The following GPT2 variants were observed in gnomAD, a reference collection of about 807,000 sequenced individuals.
The protein encoded by GPT2 is alanine aminotransferase 2.
GPT2 carries 30 observed loss-of-function variants against 56.9 expected under a neutral mutation model. The ratio of observed to expected loss-of-function variants is 0.53; its 90% CI spans 0.39 to 0.72. GPT2 has a LOEUF of 0.72. Ranked by LOEUF, GPT2 falls within the 30% of genes least tolerant of loss-of-function variation. The probability of loss-of-function intolerance (pLI) is 0.00; values close to 1 mark genes in which losing one functional copy is unlikely to be tolerated. For missense variants in GPT2, 542 were observed against 703.4 expected (o/e 0.77, Z 2.60); for synonymous variants, 271 against 283.1 (o/e 0.96, Z 0.43).
chr16:46,929,289 T>C lies in GPT2; in HGVS notation c.*292T>C, dbSNP rs139885007. 632 of 386,498 alleles carry C rather than the reference T, an allele frequency of 1.6e-3. 7 individuals are homozygous for C. The highest frequency in any genetic ancestry group is 0.012 in the African/African-American group (608 of 49,666). 23.9% of individuals were successfully genotyped at this position (386,498 alleles called of 1,614,324 possible). Reference sequence around the variant, plus strand: ...TTGCTTCTGGAAAGTTCATTTGGGGTTTACAACAACTAGGATGTGTTGGGT... The same window carrying C: ...TTGCTTCTGGAAAGTTCATTTGGGGCTTACAACAACTAGGATGTGTTGGGT... On this transcript the variant is annotated 3_prime_UTR_variant, in exon 12 of 12. Coordinates refer to ENST00000340124, the MANE Select transcript of GPT2 (RefSeq NM_133443.4).
At chr16:46,899,978 A>G (rs1351690030) in intron 3 of GPT2, among the ~76,000 whole-genome samples, 1 of 152,230 alleles carries the variant, frequency 6.6e-6, no homozygotes, top group Non-Finnish European at 1.5e-5. Flanking sequence ...CCCATTGTGC[A>G]GATGAAGAGA....
At chr16:46,925,902 G>A (rs1397266115) in intron 10 of GPT2, among the ~76,000 whole-genome samples, 1 of 151,960 alleles carries the variant, frequency 6.6e-6, no homozygotes, top group Non-Finnish European at 1.5e-5. Flanking sequence ...GCCCAAGGTA[G>A]GTGGATCACC....
chr16:46,891,077 T>A (rs1057215912), intron 2 of GPT2, among the ~76,000 whole-genome samples: 2 of 151,970 alleles, frequency 1.3e-5, no homozygotes, highest in African/African-American at 4.8e-5. Flanking sequence ...TTCTCCATGT[T>A]AGTCAGGCGG....
At position 46,928,203 on chromosome 16, in the gene GPT2, C is replaced by T. The variant is rs544360215; in HGVS notation, c.1482-704C>T. 2.5e-4 allele frequency among the ~76,000 whole-genome samples: 38 copies of T among 152,000 alleles called. No individual in the cohort carries two copies. In the South Asian group the frequency reaches 7.7e-3, roughly 31 times the overall value. ...ACTAGCCAGGGATGTTGGCGCATGC[C>T]CGTAATCCTAGCTACTCGGGAGGCT... On this transcript the variant is annotated intron_variant, in intron 11 of 11. Transcript: ENST00000340124.
intron 9 of GPT2, chr16:46,923,791 G>A (rs762861250): frequency 8.4e-5 from 15 of 179,596 alleles, no homozygotes; most frequent in South Asian, 3.9e-4. Context: ...GGTGGGGCGC[G>A]CTGGTCCCCC....
chr16:46,899,710 G>T (rs375044993), intron 3 of GPT2, among the ~76,000 whole-genome samples: 88 of 152,368 alleles, frequency 5.8e-4, no homozygotes, highest in African/African-American at 1.9e-3. Context: ...CTTCCCTGGA[G>T]CGTGAGCTTT....
intron 4 of GPT2, among the ~76,000 whole-genome samples, chr16:46,904,826 G>A (rs919298942): frequency 6.6e-6 from 1 of 152,164 alleles, no homozygotes; most frequent in African/African-American, 2.4e-5. Flanking sequence ...TTGGGGGAGG[G>A]CTCTAACACC....
chr16:46,920,188 C>A (rs1452769728), intron 8 of GPT2, among the ~76,000 whole-genome samples: 2 of 152,172 alleles, frequency 1.3e-5, no homozygotes, highest in African/African-American at 4.8e-5. Context: ...TTTAGTTGTT[C>A]AAACAACAGG....
intron 2 of GPT2, among the ~76,000 whole-genome samples, chr16:46,894,692 G>A: frequency 6.6e-6 from 1 of 151,464 alleles, no homozygotes; most frequent in East Asian, 1.9e-4. Context: ...TTGAGACGGA[G>A]TCTCGCTCTG....
At chr16:46,927,267 T>C (rs189762205) in intron 11 of GPT2, among the ~76,000 whole-genome samples, 5 of 152,340 alleles carry the variant, frequency 3.3e-5, no homozygotes, top group African/African-American at 1.2e-4. Context: ...AGGTCTTCCT[T>C]GACTATTCTG....
rs192417338 is a variant in GPT2 at position 46,902,115 on chromosome 16, G to A, written c.442+1325G>A. On this transcript the variant is annotated intron_variant, in intron 4 of 11. Transcript: ENST00000340124. The stretch of plus-strand genomic sequence containing the variant: ...GTCTGGGGACCAGGTACGGATTTTT[G>A]TTCCACGTGCTAAGCCTCATCAACA... Among the ~76,000 whole-genome samples, 972 of 152,346 alleles carry A rather than the reference G, an allele frequency of 6.4e-3. 12 individuals carry two copies. The highest frequency in any genetic ancestry group is 8.3e-3 in the Non-Finnish European group (563 of 68,026).
intron 7 of GPT2, 63 bp downstream of exon 7, chr16:46,916,770 G>T (rs1438807638): frequency 4.4e-6 from 5 of 1,127,996 alleles, no homozygotes; most frequent in Non-Finnish European, 5.4e-6. Context: ...GAGGGACCCA[G>T]CCCCCATTGT....
chr16:46,928,778 C>T (rs1294952836), intron 11 of GPT2, 129 bp from the exon 12 acceptor site: 17 of 691,080 alleles, frequency 2.5e-5, no homozygotes, highest in South Asian at 1.1e-4. Flanking sequence ...GGGTGCTGTC[C>T]GGGCTGGAGC....
At chr16:46,926,423 TG>T (rs1429595909) in intron 10 of GPT2, among the ~76,000 whole-genome samples, 44 of 151,216 alleles carry the variant, frequency 2.9e-4, no homozygotes, top group Admixed American at 7.9e-4. Flanking sequence ...CACTCCAGCC[TG>T]GGTGACAGAG....
At chr16:46,927,947 T>A (rs1035218677) in intron 11 of GPT2, among the ~76,000 whole-genome samples, 1 of 152,038 alleles carries the variant, frequency 6.6e-6, no homozygotes, top group African/African-American at 2.4e-5. Flanking sequence ...TCAGACTGAC[T>A]AGAGATAAAA....
intron 2 of GPT2, among the ~76,000 whole-genome samples, chr16:46,889,246 A>AT (rs35803215): frequency 0.11 from 10,809 of 94,904 alleles, 1,171 homozygotes; most frequent in Middle Eastern, 0.16. Context: ...CAGGCTGTTA[A>AT]TTTTTTTTTT....
intron 1 of GPT2, 54 bp from the exon 2 acceptor site, chr16:46,884,640 C>T: frequency 7.5e-7 from 1 of 1,330,976 alleles, no homozygotes; most frequent in Non-Finnish European, 9.6e-7. Context: ...TGGGGGAGTG[C>T]TGCACGCCTG....
At chr16:46,899,202 T>G (rs1960767808) in intron 3 of GPT2, among the ~76,000 whole-genome samples, 1 of 151,526 alleles carries the variant, frequency 6.6e-6, no homozygotes, top group Non-Finnish European at 1.5e-5. Flanking sequence ...CCAGCTAATT[T>G]TTAAAATTTT....
chr16:46,911,062 G>A (rs375565090), intron 6 of GPT2, among the ~76,000 whole-genome samples: 3 of 152,176 alleles, frequency 2.0e-5, no homozygotes, highest in Non-Finnish European at 4.4e-5. Context: ...ATGCTGGTGT[G>A]TGTGTTGGTT....
Sources: allele counts gnomAD v4.1 joint callset (sites outside exome capture counted in the v4.1 genomes callset), GRCh38; gene constraint gnomAD v4.1.1; transcripts MANE v1.5; gene names NCBI Gene and HGNC (gene_info 2026-07-23, HGNC 2026-07-21).